The following TNFAIP8 variants were observed in gnomAD, a reference collection of about 807,000 sequenced individuals.
The protein encoded by TNFAIP8 is TNF alpha induced protein 8, also known as tumor necrosis factor alpha-induced protein 8.
In TNFAIP8, 7 loss-of-function variants were observed where a neutral mutation model predicts 13.3. The observed-to-expected ratio is 0.52, with a 90% CI of 0.30 to 0.99. The LOEUF (loss-of-function observed/expected upper bound fraction) is 0.99, where lower values mean the gene tolerates loss of function less well. Ranked by LOEUF, TNFAIP8 falls within the 50% of genes least tolerant of loss-of-function variation. The pLI, the probability that TNFAIP8 is intolerant of heterozygous loss-of-function variation, is 0.07. For synonymous variants in TNFAIP8, 94 were observed against 87.6 expected (o/e 1.07, Z -0.41); for missense variants, 258 against 236.9 (o/e 1.09, Z -0.58).
chr5:119,277,330 A>G (rs1264263509), intron 1 of TNFAIP8, among the ~76,000 whole-genome samples: 1 of 152,256 alleles, frequency 6.6e-6, no homozygotes, highest in Non-Finnish European at 1.5e-5. Flanking sequence ...AAATTAAAAC[A>G]GGAGAAAAAT....
upstream of TNFAIP8, among the ~76,000 whole-genome samples, chr5:119,351,896 T>C (rs1751178466): frequency 6.6e-6 from 1 of 151,576 alleles, no homozygotes. Context: ...TTCAAGCGAT[T>C]CTTCTGCCTC....
upstream of TNFAIP8, among the ~76,000 whole-genome samples, chr5:119,352,113 G>C (rs1237805885): frequency 6.6e-6 from 1 of 152,136 alleles, no homozygotes; most frequent in African/African-American, 2.4e-5. Context: ...TTAAGGCTAA[G>C]AGAGCCAAAT....
chr5:119,332,727 T>TG (rs1462821974), intron 1 of TNFAIP8, among the ~76,000 whole-genome samples: 3 of 152,152 alleles, frequency 2.0e-5, no homozygotes, highest in Non-Finnish European at 2.9e-5. Flanking sequence ...GAATCTTACT[T>TG]GGGGGAGTGG....
At chr5:119,292,464 T>C (rs1217158801) in intron 1 of TNFAIP8, among the ~76,000 whole-genome samples, 1 of 151,524 alleles carries the variant, frequency 6.6e-6, no homozygotes, top group Non-Finnish European at 1.5e-5. Flanking sequence ...TATTTTGTTA[T>C]TCTGTTGGGT....
intron 1 of TNFAIP8, among the ~76,000 whole-genome samples, chr5:119,390,448 G>A (rs1752848399): frequency 6.6e-6 from 1 of 151,992 alleles, no homozygotes; most frequent in Admixed American, 6.6e-5. Context: ...ATACTCTTTT[G>A]CAAATCATTG....
intron 1 of TNFAIP8, among the ~76,000 whole-genome samples, chr5:119,384,178 C>T (rs1490785885): frequency 6.6e-6 from 1 of 152,168 alleles, no homozygotes; most frequent in African/African-American, 2.4e-5. Context: ...CCTAGGGTTG[C>T]CGTAAAGCTT....
intron 1 of TNFAIP8, among the ~76,000 whole-genome samples, chr5:119,330,961 A>C (rs1160713952): frequency 6.6e-6 from 1 of 151,818 alleles, no homozygotes; most frequent in Non-Finnish European, 1.5e-5. Context: ...ACCAAGAAAA[A>C]GGCCAAGAGC....
rs1273744963 is a variant in TNFAIP8 at position 119,398,660 on chromosome 5, A to G, written c.*5279A>G. On this transcript the variant is annotated 3_prime_UTR_variant, in exon 2 of 2. Coordinates refer to ENST00000504771, the MANE Select transcript of TNFAIP8 (RefSeq NM_014350.4). ...ACACCACTGCACTCCAGCCTGGGCA[A>G]CAAGAGTGAGACTTTGTCTCAAAAA... 1 of 152,178 alleles carries G rather than the reference A, an allele frequency of 6.6e-6. No homozygotes were observed. The highest frequency in any genetic ancestry group is 1.5e-5 in the Non-Finnish European group (1 of 68,028). The allele number at this position is 152,178 out of a possible 1,614,324, so 9.4% of individuals were successfully genotyped here.
At chr5:119,337,341 C>T (rs1180690745) in intron 1 of TNFAIP8, among the ~76,000 whole-genome samples, 2 of 152,198 alleles carry the variant, frequency 1.3e-5, no homozygotes, top group African/African-American at 4.8e-5. Context: ...AGCTTGACAT[C>T]CCACCAGCTT....
upstream of TNFAIP8, among the ~76,000 whole-genome samples, chr5:119,351,791 TTTTTC>T (rs922357298): frequency 1.3e-4 from 19 of 143,848 alleles, 2 homozygotes; most frequent in African/African-American, 3.0e-4. Flanking sequence ...TCTTTTTCTT[TTTTTC>T]TTTTTTTTTT....
intron 1 of TNFAIP8, among the ~76,000 whole-genome samples, chr5:119,325,050 A>G (rs1750178826): frequency 1.3e-5 from 2 of 152,138 alleles, no homozygotes; most frequent in Non-Finnish European, 2.9e-5. Context: ...CTTGGCCAAC[A>G]TAGCAAGACC....
chr5:119,303,060 T>G (rs1325502153), intron 1 of TNFAIP8, among the ~76,000 whole-genome samples: 1 of 152,090 alleles, frequency 6.6e-6, no homozygotes, highest in Non-Finnish European at 1.5e-5. Flanking sequence ...TTAGAAAGAC[T>G]CCCTTCATGT....
intron 1 of TNFAIP8, among the ~76,000 whole-genome samples, chr5:119,344,064 A>G (rs1260177416): frequency 1.3e-5 from 2 of 152,230 alleles, no homozygotes; most frequent in East Asian, 1.9e-4. Flanking sequence ...GAGAGTGAGA[A>G]GTTGGTACTT....
At chr5:119,278,370 AGAGAGAGTGTGTGTGTGTGTGT>A (rs1748522262) in intron 1 of TNFAIP8, among the ~76,000 whole-genome samples, 1 of 134,638 alleles carries the variant, frequency 7.4e-6, no homozygotes, top group African/African-American at 3.1e-5. Context: ...AGAGAGAGAG[AGAGAGAGTGTGTGTGTGTGTGT>A]GTGTGTGTGT....
chr5:119,367,123 C>G (rs1038153665), intron 1 of TNFAIP8, among the ~76,000 whole-genome samples: 3 of 152,212 alleles, frequency 2.0e-5, no homozygotes. Context: ...AATTGTTTTC[C>G]TCTTTCCCAA....
At chr5:119,295,079 C>A (rs1222954038) in intron 1 of TNFAIP8, among the ~76,000 whole-genome samples, 2 of 151,874 alleles carry the variant, frequency 1.3e-5, no homozygotes, top group African/African-American at 4.8e-5. Context: ...AATTTTGTTG[C>A]CATTGCTTTT....
chr5:119,297,409 A>C lies in TNFAIP8; in HGVS notation c.1+28502A>C, dbSNP rs556403562. Among the ~76,000 whole-genome samples the C allele has an allele frequency of 6.2e-3, 937 of 151,908 alleles. 8 individuals carry two copies. The highest frequency in any genetic ancestry group is 0.022 in the African/African-American group (900 of 41,428). ...AGGTTGTTCAGTTTCCATGTAGTTG[A>C]GCGGTTTTGAGTGAGTTTCTTAATC... On this transcript the variant is annotated intron_variant, in intron 1 of 1. Coordinates refer to the TNFAIP8 transcript ENST00000274456.
At chr5:119,369,059 T>TC (rs1191094347) in intron 1 of TNFAIP8, among the ~76,000 whole-genome samples, 1 of 150,412 alleles carries the variant, frequency 6.6e-6, no homozygotes, top group African/African-American at 2.4e-5. Context: ...TCTTTTCTTT[T>TC]TTTTTTTTTT....
intron 1 of TNFAIP8, among the ~76,000 whole-genome samples, chr5:119,357,311 G>C (rs899055853): frequency 1.3e-5 from 2 of 152,194 alleles, no homozygotes; most frequent in Non-Finnish European, 2.9e-5. Context: ...AGTATGGGGG[G>C]AGTAATGCTT....
Sources: gnomAD v4.1 joint callset for allele counts (sites outside exome capture counted in the v4.1 genomes callset) on GRCh38, gnomAD v4.1.1 for gene constraint, MANE v1.5 for transcripts, NCBI Gene and HGNC (gene_info 2026-07-23, HGNC 2026-07-21) for gene names.